ESRRG: variants seen among roughly 807,000 people sequenced by gnomAD.
ESRRG encodes estrogen related receptor gamma.
Under a neutral mutation model 44.0 loss-of-function variants are expected in ESRRG, and 13 were observed. The ratio of observed to expected loss-of-function variants is 0.30; its 90% CI spans 0.19 to 0.47. ESRRG has a LOEUF of 0.47. Among genes scored for constraint, ESRRG ranks in the 20% least tolerant of loss-of-function variants. ESRRG has a pLI of 1.00. For missense variants in ESRRG, 395 were observed against 580.6 expected, an observed-to-expected ratio of 0.68 and a Z score of 3.29; for synonymous variants, 215 against 214.6, an observed-to-expected ratio of 1.00 and a Z score of -0.02.
intron 3 of ESRRG, among the ~76,000 whole-genome samples, chr1:216,630,463 C>CAA (rs1413532364): frequency 6.6e-6 from 1 of 151,698 alleles, no homozygotes; most frequent in African/African-American, 2.4e-5. Context: ...CACACACACA[C>CAA]ACACACACAC....
At chr1:216,968,133 G>T (rs2818776) in intron 1 of ESRRG, among the ~76,000 whole-genome samples, 78,035 of 151,858 alleles carry the variant, frequency 0.51, 21,833 homozygotes, top group Middle Eastern at 0.7. Context: ...GTATATTTTG[G>T]ATAACAATCC....
chr1:216,582,491 G>A (rs1228992138), intron 3 of ESRRG, among the ~76,000 whole-genome samples: 2 of 152,084 alleles, frequency 1.3e-5, no homozygotes, highest in Non-Finnish European at 2.9e-5. Context: ...ACCCAGGCTG[G>A]AATGCAGTGG....
intron 1 of ESRRG, among the ~76,000 whole-genome samples, chr1:217,087,581 C>G (rs577564564): frequency 1.3e-5 from 2 of 152,126 alleles, no homozygotes; most frequent in Non-Finnish European, 2.9e-5. Context: ...TAAAGAAGAC[C>G]AGCAGGTTTC....
At chr1:216,997,178 TA>T (rs968547659) in intron 1 of ESRRG, among the ~76,000 whole-genome samples, 1 of 152,228 alleles carries the variant, frequency 6.6e-6, no homozygotes, top group African/African-American at 2.4e-5. Context: ...CAGGGTACTT[TA>T]AATTCTCTTT....
chr1:216,838,970 A>G (rs2095609664), intron 2 of ESRRG, among the ~76,000 whole-genome samples: 1 of 152,092 alleles, frequency 6.6e-6, no homozygotes, highest in Admixed American at 6.6e-5. Flanking sequence ...CAGTTTTTTA[A>G]AAAAGGACAA....
At chr1:216,730,217 G>A (rs1465648221) in intron 2 of ESRRG, among the ~76,000 whole-genome samples, 5 of 147,572 alleles carry the variant, frequency 3.4e-5, no homozygotes, top group African/African-American at 5.0e-5. Flanking sequence ...CACGTGTCCA[G>A]TAAAAGCCAA....
intron 1 of ESRRG, among the ~76,000 whole-genome samples, chr1:216,704,345 C>T (rs897021501): frequency 6.6e-6 from 1 of 152,146 alleles, no homozygotes; most frequent in African/African-American, 2.4e-5. Context: ...GAAACCCTAT[C>T]TCTACTAAAA....
At chr1:216,593,764 G>A (rs1414831392) in intron 3 of ESRRG, among the ~76,000 whole-genome samples, 1 of 152,200 alleles carries the variant, frequency 6.6e-6, no homozygotes, top group South Asian at 2.1e-4. Flanking sequence ...GGGGGGAACA[G>A]TTTCTCCCTC....
At chr1:216,613,419 A>G (rs2060947408) in intron 3 of ESRRG, among the ~76,000 whole-genome samples, 1 of 152,194 alleles carries the variant, frequency 6.6e-6, no homozygotes, top group African/African-American at 2.4e-5. Context: ...TCATGACCCA[A>G]ATTATTTTTG....
intron 2 of ESRRG, among the ~76,000 whole-genome samples, chr1:216,889,989 G>A (rs1390904731): frequency 1.3e-5 from 2 of 152,108 alleles, no homozygotes; most frequent in African/African-American, 4.8e-5. Flanking sequence ...TAATAGGCTG[G>A]GTATGGTGGC....
At chr1:216,561,920 G>A (rs527918047) in intron 5 of ESRRG, among the ~76,000 whole-genome samples, 4 of 152,152 alleles carry the variant, frequency 2.6e-5, no homozygotes, top group Admixed American at 1.3e-4. Context: ...ACCCATAATC[G>A]TATAGTAATT....
At chr1:216,584,446 C>T (rs570628620) in intron 3 of ESRRG, among the ~76,000 whole-genome samples, 35 of 151,926 alleles carry the variant, frequency 2.3e-4, no homozygotes, top group East Asian at 1.9e-3. Flanking sequence ...TTAGCAGAGA[C>T]GGGGTTTCAC....
chr1:217,115,673 T>C, intron 1 of ESRRG, among the ~76,000 whole-genome samples: 1 of 152,202 alleles, frequency 6.6e-6, no homozygotes, highest in East Asian at 1.9e-4. Flanking sequence ...CAAAAGTCAC[T>C]GTCTCGTGCA....
At chr1:216,912,609 TA>T (rs1490173714) in intron 2 of ESRRG, among the ~76,000 whole-genome samples, 1 of 152,160 alleles carries the variant, frequency 6.6e-6, no homozygotes, top group African/African-American at 2.4e-5. Flanking sequence ...AATATGTAAT[TA>T]CATCCTATTA....
intron 1 of ESRRG, among the ~76,000 whole-genome samples, chr1:216,983,793 G>T (rs1053883995): frequency 3.4e-5 from 5 of 145,446 alleles, no homozygotes; most frequent in African/African-American, 1.2e-4. Context: ...CGCATACCAA[G>T]TTATTATAAA....
chr1:217,015,178 T>C (rs931128963), intron 1 of ESRRG, among the ~76,000 whole-genome samples: 1 of 152,200 alleles, frequency 6.6e-6, no homozygotes, highest in African/African-American at 2.4e-5. Flanking sequence ...GGTTAGCTTC[T>C]GGATTTCTGA....
chr1:216,773,898 T>A (rs974493424), intron 2 of ESRRG, among the ~76,000 whole-genome samples: 10 of 152,108 alleles, frequency 6.6e-5, no homozygotes, highest in African/African-American at 2.4e-4. Flanking sequence ...GCCCAAGGAC[T>A]GAATAGATTT....
At chr1:216,661,840 T>G (rs2072514869) in intron 2 of ESRRG, among the ~76,000 whole-genome samples, 1 of 152,166 alleles carries the variant, frequency 6.6e-6, no homozygotes, top group Non-Finnish European at 1.5e-5. Flanking sequence ...GGGGAACTCC[T>G]TGACATAAGT....
At chr1:216,913,710 G>A (rs1448379943) in intron 2 of ESRRG, among the ~76,000 whole-genome samples, 2 of 152,194 alleles carry the variant, frequency 1.3e-5, no homozygotes. Context: ...ACCTCAGAAG[G>A]TGGTTATGAA....
Sources: gnomAD v4.1 joint callset for allele counts (sites outside exome capture counted in the v4.1 genomes callset) on GRCh38, gnomAD v4.1.1 for gene constraint, MANE v1.5 for transcripts, NCBI Gene and HGNC (gene_info 2026-07-23, HGNC 2026-07-21) for gene names.